TSNARE1: variants seen among roughly 807,000 people sequenced by gnomAD.
TSNARE1 encodes the protein t-SNARE domain-containing protein 1.
Under a neutral mutation model 62.0 loss-of-function variants are expected in TSNARE1, and 49 were observed. The observed-to-expected ratio is 0.79, with a 90% confidence interval of 0.63 to 1.00. TSNARE1 has a LOEUF of 1.00. Among genes scored for constraint, TSNARE1 ranks in the 50% least tolerant of loss-of-function variants. The pLI is 0.00. For synonymous variants in TSNARE1, 328 were observed against 294.4 expected, an observed-to-expected ratio of 1.11 and a Z score of -1.17; for missense variants, 755 against 700.1, an observed-to-expected ratio of 1.08 and a Z score of -0.88.
At chr8:142,259,192 C>T (rs1818738781) in intron 12 of TSNARE1, among the ~76,000 whole-genome samples, 1 of 152,244 alleles carries the variant, frequency 6.6e-6, no homozygotes. Context: ...GGCAGAAGGG[C>T]GACAGCACCC....
intron 1 of TSNARE1, among the ~76,000 whole-genome samples, chr8:142,373,870 G>C (rs1035185189): frequency 9.2e-5 from 14 of 152,180 alleles, no homozygotes; most frequent in Non-Finnish European, 2.9e-5. Context: ...CAGGGAGGAA[G>C]GGCTCAGAGC....
intron 12 of TSNARE1, among the ~76,000 whole-genome samples, chr8:142,250,857 G>A (rs1320202768): frequency 2.0e-5 from 3 of 152,208 alleles, no homozygotes; most frequent in Admixed American, 6.5e-5. Context: ...CGCAGGAGCC[G>A]ACGGACGAGG....
intron 6 of TSNARE1, chr8:142,326,207 G>T (rs574519660): frequency 5.9e-5 from 9 of 153,778 alleles, no homozygotes; most frequent in Non-Finnish European, 1.2e-4. Context: ...CAGCACCAGC[G>T]AAGGGGAGGG....
At chr8:142,329,323 G>A (rs1164265636) in intron 6 of TSNARE1, among the ~76,000 whole-genome samples, 1 of 152,214 alleles carries the variant, frequency 6.6e-6, no homozygotes, top group Non-Finnish European at 1.5e-5. Context: ...GACCAGGACA[G>A]TCTCCTACTC....
At chr8:142,217,838 C>CTCAGTGTGTGACCAGAATCAGGGT (rs1563750803) in intron 13 of TSNARE1, among the ~76,000 whole-genome samples, 3 of 72,576 alleles carry the variant, frequency 4.1e-5, no homozygotes, top group Non-Finnish European at 5.8e-5. Flanking sequence ...AGGATCAGGG[C>CTCAGTGTGTGACCAGAATCAGGGT]TCAGTGTGTG....
At chr8:142,282,522 C>A (rs72499112) in intron 11 of TSNARE1, among the ~76,000 whole-genome samples, 1 of 125,928 alleles carries the variant, frequency 7.9e-6, no homozygotes, top group East Asian at 2.5e-4. Flanking sequence ...CGAGCAGAGG[C>A]GGGGTCAGTG....
chr8:142,311,692 T>C (rs1368037998), intron 9 of TSNARE1, among the ~76,000 whole-genome samples: 1 of 152,234 alleles, frequency 6.6e-6, no homozygotes, highest in African/African-American at 2.4e-5. Context: ...TCTCAATCGT[T>C]ACCTCTTCAA....
intron 13 of TSNARE1, among the ~76,000 whole-genome samples, chr8:142,225,521 C>A (rs1816733258): frequency 1.3e-5 from 2 of 152,142 alleles, no homozygotes; most frequent in Non-Finnish European, 2.9e-5. Context: ...GTCGGGCACT[C>A]CTGGGCCCTC....
chr8:142,272,997 G>A, intron 12 of TSNARE1: 7 of 985,476 alleles, frequency 7.1e-6, no homozygotes, highest in Non-Finnish European at 8.4e-6. Context: ...GGGAACAGGA[G>A]TGGGACAGTC....
intron 10 of TSNARE1, among the ~76,000 whole-genome samples, chr8:142,299,887 C>G (rs1223429754): frequency 6.6e-6 from 1 of 152,192 alleles, no homozygotes; most frequent in Non-Finnish European, 1.5e-5. Flanking sequence ...AGGTATTATA[C>G]ATGTGTAAAC....
intron 12 of TSNARE1, chr8:142,273,564 G>A: frequency 1.0e-6 from 1 of 985,418 alleles, no homozygotes; most frequent in Non-Finnish European, 1.2e-6. Flanking sequence ...CCCAGGTCTT[G>A]TCTCCCGGCC....
At chr8:142,260,045 TGGG>T (rs1332087650) in intron 12 of TSNARE1, among the ~76,000 whole-genome samples, 3 of 151,752 alleles carry the variant, frequency 2.0e-5, no homozygotes, top group African/African-American at 7.3e-5. Flanking sequence ...CGCCTCTGCT[TGGG>T]CCTGGCTTCC....
chr8:142,255,990 C>CACT (rs1818494764), intron 12 of TSNARE1, among the ~76,000 whole-genome samples: 2 of 43,078 alleles, frequency 4.6e-5, no homozygotes, highest in African/African-American at 7.8e-5. Flanking sequence ...CCACCACCAC[C>CACT]GTCACCATCA....
chr8:142,308,601 G>A (rs1250191970), intron 9 of TSNARE1, among the ~76,000 whole-genome samples: 8 of 151,958 alleles, frequency 5.3e-5, no homozygotes, highest in Non-Finnish European at 1.2e-4. Context: ...TGTGTCCGTG[G>A]GCTGGTGTGT....
At chr8:142,287,652 T>G (rs4498681) in intron 10 of TSNARE1, among the ~76,000 whole-genome samples, 2 of 24,224 alleles carry the variant, frequency 8.3e-5, no homozygotes, top group East Asian at 1.3e-3. Flanking sequence ...GACAGTGGGC[T>G]GCCCTCCAGG....
intron 12 of TSNARE1, chr8:142,270,692 C>G: frequency 1.0e-6 from 1 of 985,206 alleles, no homozygotes; most frequent in Non-Finnish European, 1.2e-6. Flanking sequence ...GCTGAGCCAC[C>G]CTTTCCAGAG....
chr8:142,306,323 G>T (rs917262174), intron 9 of TSNARE1, among the ~76,000 whole-genome samples: 5 of 152,230 alleles, frequency 3.3e-5, no homozygotes, highest in Non-Finnish European at 5.9e-5. Context: ...AGTGAAGCAG[G>T]TCTTCACTTC....
chr8:142,272,549 A>C (rs1586926289), intron 12 of TSNARE1: 2 of 418,832 alleles, frequency 4.8e-6, no homozygotes, highest in African/African-American at 1.1e-4. Context: ...CCACCTGTCT[A>C]CACCTTCCTT....
intron 11 of TSNARE1, among the ~76,000 whole-genome samples, chr8:142,279,551 G>C (rs1023035816): frequency 6.6e-6 from 1 of 152,208 alleles, no homozygotes; most frequent in Non-Finnish European, 1.5e-5. Flanking sequence ...GGCACGGCTT[G>C]AGGTGGCGTA....
Sources: gnomAD v4.1 joint callset for allele counts (sites outside exome capture counted in the v4.1 genomes callset) on GRCh38, gnomAD v4.1.1 for gene constraint, MANE v1.5 for transcripts, NCBI Gene and HGNC (gene_info 2026-07-23, HGNC 2026-07-21) for gene names.